Variants in CENPP observed in about 807,000 individuals in gnomAD.
CENPP encodes centromere protein P.
CENPP carries 24 observed loss-of-function variants against 35.6 expected under a neutral mutation model. The ratio of observed to expected loss-of-function variants is 0.67; its 90% confidence interval spans 0.49 to 0.95. The LOEUF (loss-of-function observed/expected upper bound fraction) is 0.95, where lower values mean the gene tolerates loss of function less well. CENPP is among the 40% of genes least tolerant of loss of function. The probability of loss-of-function intolerance (pLI) is 0.00; values close to 1 mark genes in which losing one functional copy is unlikely to be tolerated. For missense variants in CENPP, 332 were observed against 345.3 expected (o/e 0.96, Z 0.31); for synonymous variants, 120 against 125.5 (o/e 0.96, Z 0.29).
intron 5 of CENPP, among the ~76,000 whole-genome samples, chr9:92,472,767 TTTTG>T (rs1169298278): frequency 1.3e-5 from 2 of 151,916 alleles, no homozygotes; most frequent in Non-Finnish European, 2.9e-5. Flanking sequence ...TAGGGTGCAG[TTTTG>T]TTTGTTAGAA....
intron 5 of CENPP, among the ~76,000 whole-genome samples, chr9:92,501,806 C>G (rs1483096551): frequency 2.0e-5 from 3 of 152,224 alleles, no homozygotes; most frequent in Non-Finnish European, 4.4e-5. Context: ...CCAGGACACG[C>G]AATCCCAGAT....
At chr9:92,516,134 G>A (rs1480574135) in intron 5 of CENPP, among the ~76,000 whole-genome samples, 1 of 151,186 alleles carries the variant, frequency 6.6e-6, no homozygotes, top group African/African-American at 2.4e-5. Flanking sequence ...CATGATCTCG[G>A]CTCACTGCAC....
chr9:92,453,974 A>G (rs1386422615), intron 5 of CENPP, among the ~76,000 whole-genome samples: 1 of 152,200 alleles, frequency 6.6e-6, no homozygotes. Context: ...AAAGAAAAAA[A>G]AAAAGTTTTT....
intron 5 of CENPP, among the ~76,000 whole-genome samples, chr9:92,511,725 G>C (rs1378092258): frequency 1.3e-5 from 2 of 152,094 alleles, no homozygotes; most frequent in African/African-American, 2.4e-5. Flanking sequence ...CCAGATTTTA[G>C]CATGTTTTCA....
rs1843852947 is a variant in CENPP, at chr9:92,422,900, C to T, written c.564+43041C>T. On this transcript the variant is annotated intron_variant, in intron 5 of 7. Transcript: ENST00000375587. Reference sequence around the variant, plus strand: ...CATACTCTACAATGTATGCCTTGTTCTCTATAGGATAACTCACAGCAATAT... The same window carrying T: ...CATACTCTACAATGTATGCCTTGTTTTCTATAGGATAACTCACAGCAATAT... 2.0e-5 allele frequency among the ~76,000 whole-genome samples: 3 copies of T among 152,128 alleles called. No individual in the cohort carries two copies. The South Asian group carries it at 6.2e-4, about 31-fold the overall frequency.
intron 5 of CENPP, among the ~76,000 whole-genome samples, chr9:92,534,208 G>A (rs1849032161): frequency 6.6e-6 from 1 of 152,088 alleles, no homozygotes; most frequent in Non-Finnish European, 1.5e-5. Flanking sequence ...ATTTCCTAGT[G>A]TAGCTGTATA....
chr9:92,379,093 A>T (rs1002867915), intron 4 of CENPP, among the ~76,000 whole-genome samples: 9 of 152,244 alleles, frequency 5.9e-5, no homozygotes, highest in Non-Finnish European at 1.2e-4. Flanking sequence ...TACTGAAAAC[A>T]CTATACTTAC....
chr9:92,352,467 CTGTGTGTGTGTG>C (rs61233585), intron 4 of CENPP, among the ~76,000 whole-genome samples: 61 of 71,334 alleles, frequency 8.6e-4, no homozygotes, highest in African/African-American at 4.1e-3. Context: ...TGCTTAAAGC[CTGTGTGTGTGTG>C]TGTGTGTGTG....
At chr9:92,571,329 C>T (rs930878845) in intron 5 of CENPP, among the ~76,000 whole-genome samples, 17 of 152,222 alleles carry the variant, frequency 1.1e-4, no homozygotes, top group African/African-American at 1.4e-4. Context: ...GCCTTCATTT[C>T]GTTATGTACC....
intron 4 of CENPP, among the ~76,000 whole-genome samples, chr9:92,357,653 C>A (rs1465772171): frequency 6.6e-6 from 1 of 151,910 alleles, no homozygotes; most frequent in Non-Finnish European, 1.5e-5. Context: ...CGCCACCACT[C>A]CTGGCTCATT....
chr9:92,332,452 T>TTG, intron 2 of CENPP, 101 bp downstream of exon 2: 2 of 799,146 alleles, frequency 2.5e-6, no homozygotes, highest in South Asian at 5.0e-5. Flanking sequence ...ACAAGGTAAG[T>TTG]ATTTGAAAGT....
intron 5 of CENPP, among the ~76,000 whole-genome samples, chr9:92,458,653 G>GTA (rs1216532337): frequency 1.3e-5 from 2 of 152,146 alleles, no homozygotes; most frequent in African/African-American, 2.4e-5. Context: ...GCTAGCAAGA[G>GTA]TATAGGTAGA....
intron 5 of CENPP, chr9:92,390,127 T>C (rs546707101): frequency 2.3e-6 from 2 of 863,870 alleles, no homozygotes; most frequent in Non-Finnish European, 3.6e-6. Context: ...AGAAAAGCAT[T>C]TGTTTAACAG....
chr9:92,357,350 C>T (rs77922687), intron 4 of CENPP, among the ~76,000 whole-genome samples: 1 of 151,804 alleles, frequency 6.6e-6, no homozygotes, highest in Non-Finnish European at 1.5e-5. Context: ...TTAATGATAA[C>T]CAACTCCCTC....
intron 5 of CENPP, among the ~76,000 whole-genome samples, chr9:92,514,432 G>A (rs1214036457): frequency 5.3e-5 from 8 of 151,738 alleles, no homozygotes; most frequent in East Asian, 1.9e-4. Flanking sequence ...GCCCCACCAC[G>A]CCCGGCTAAT....
intron 5 of CENPP, among the ~76,000 whole-genome samples, chr9:92,585,505 A>T (rs1177289433): frequency 6.6e-6 from 1 of 152,140 alleles, no homozygotes; most frequent in African/African-American, 2.4e-5. Context: ...ACTTGATTTC[A>T]TTTCTCATCG....
At chr9:92,588,552 C>T (rs535003038) in intron 5 of CENPP, among the ~76,000 whole-genome samples, 6 of 152,114 alleles carry the variant, frequency 3.9e-5, no homozygotes, top group Non-Finnish European at 8.8e-5. Context: ...TGTGCCCGGC[C>T]AGCTGTGAGT....
chr9:92,533,938 A>G (rs1849013489), intron 5 of CENPP, among the ~76,000 whole-genome samples: 1 of 152,132 alleles, frequency 6.6e-6, no homozygotes, highest in Admixed American at 6.5e-5. Context: ...CAAATTTTCA[A>G]CATATCTTTG....
Position 92,581,715 on chromosome 9 carries a change from A to G in CENPP, c.565-29599A>G, listed in dbSNP as rs537450349. On this transcript the variant is annotated intron_variant, in intron 5 of 7. Coordinates refer to ENST00000375587, the MANE Select transcript of CENPP (RefSeq NM_001012267.3). ...AGGATCATCTCCAAGTAGAAGGAAAATGATCCAAGAAGGAAGGTTTGAGGT... is the reference window on the plus strand; with the variant it reads ...AGGATCATCTCCAAGTAGAAGGAAAGTGATCCAAGAAGGAAGGTTTGAGGT... Among the ~76,000 whole-genome samples, 10 of 152,366 alleles carry G rather than the reference A, an allele frequency of 6.6e-5. No homozygotes were observed. The South Asian group carries it at 2.1e-3, about 32-fold the overall frequency.
Sources: allele counts gnomAD v4.1 joint callset (sites outside exome capture counted in the v4.1 genomes callset), GRCh38; gene constraint gnomAD v4.1.1; transcripts MANE v1.5; gene names NCBI Gene and HGNC (gene_info 2026-07-23, HGNC 2026-07-21).